The following MAP4K4 variants were observed in gnomAD, a reference collection of about 807,000 sequenced individuals.
MAP4K4 encodes the protein HPK/GCK-like kinase HGK.
MAP4K4 carries 38 observed loss-of-function variants against 189.6 expected under a neutral mutation model. That is an observed-to-expected ratio of 0.20 (90% CI 0.15 to 0.26). MAP4K4 has a LOEUF of 0.26. Ranked by LOEUF, MAP4K4 falls within the 10% of genes least tolerant of loss-of-function variation. MAP4K4 has a pLI of 1.00. For missense variants in MAP4K4, 1,054 were observed against 1,726.9 expected (o/e 0.61, Z 6.91); for synonymous variants, 610 against 624.3 (o/e 0.98, Z 0.34).
chr2:101,712,868 G>A (rs1158785669), intron 2 of MAP4K4, among the ~76,000 whole-genome samples: 2 of 151,432 alleles, frequency 1.3e-5, no homozygotes, highest in Non-Finnish European at 2.9e-5. Flanking sequence ...GAACTTCAAG[G>A]GTTGATTAAT....
intron 2 of MAP4K4, among the ~76,000 whole-genome samples, chr2:101,765,854 T>TA (rs1452129269): frequency 6.6e-6 from 1 of 152,204 alleles, no homozygotes; most frequent in Non-Finnish European, 1.5e-5. Flanking sequence ...CTGAGACAAT[T>TA]ACTCTGTGAG....
At chr2:101,871,538 C>T in exon 24 of MAP4K4, 1 of 1,536,116 alleles carries the variant, frequency 6.5e-7, no homozygotes, top group Non-Finnish European at 8.7e-7. Flanking sequence ...AGAGCAATGG[C>T]TTTGCCGGTC....
intron 6 of MAP4K4, among the ~76,000 whole-genome samples, chr2:101,830,172 A>G (rs2096552338): frequency 6.6e-6 from 1 of 151,664 alleles, no homozygotes; most frequent in Admixed American, 6.6e-5. Context: ...CTTTCATAGT[A>G]TTGTTCACAA....
At chr2:101,711,726 A>C (rs1470984179) in intron 2 of MAP4K4, among the ~76,000 whole-genome samples, 4 of 152,166 alleles carry the variant, frequency 2.6e-5, no homozygotes, top group Non-Finnish European at 5.9e-5. Context: ...AAAGTGTGAA[A>C]TTCTTTTTGC....
chr2:101,863,757 T>G (rs2097737419), intron 16 of MAP4K4, 64 bp from the exon 17 acceptor site: 3 of 1,131,122 alleles, frequency 2.7e-6, no homozygotes, highest in Non-Finnish European at 2.5e-6. Flanking sequence ...GGATTTGGTA[T>G]TGACCAGAAA....
At chr2:101,812,894 G>A (rs938918025) in intron 3 of MAP4K4, among the ~76,000 whole-genome samples, 12 of 152,144 alleles carry the variant, frequency 7.9e-5, no homozygotes, top group Admixed American at 7.9e-4. Context: ...TTGGGAGGCC[G>A]AGGTGGGCGG....
intron 5 of MAP4K4, among the ~76,000 whole-genome samples, chr2:101,827,359 C>G (rs2236936): frequency 0.75 from 114,510 of 152,046 alleles, 43,579 homozygotes; most frequent in African/African-American, 0.88. Flanking sequence ...GGGAGAGTTC[C>G]TGTGTCATGC....
At chr2:101,779,713 T>C (rs1220891784) in intron 2 of MAP4K4, among the ~76,000 whole-genome samples, 1 of 152,126 alleles carries the variant, frequency 6.6e-6, no homozygotes, top group Non-Finnish European at 1.5e-5. Flanking sequence ...TTTGGAAACC[T>C]GAGTTGATGG....
intron 9 of MAP4K4, among the ~76,000 whole-genome samples, chr2:101,838,207 T>A (rs985266845): frequency 2.0e-5 from 3 of 152,236 alleles, no homozygotes; most frequent in Non-Finnish European, 4.4e-5. Flanking sequence ...ATCTTTTAAC[T>A]GATGGCTCCA....
chr2:101,759,036 G>A (rs1490334946), intron 2 of MAP4K4, among the ~76,000 whole-genome samples: 2 of 151,966 alleles, frequency 1.3e-5, no homozygotes, highest in Non-Finnish European at 2.9e-5. Context: ...GGGAGGCTGA[G>A]GCAGGAGAAT....
At chr2:101,804,882 T>C (rs1297406065) in intron 3 of MAP4K4, among the ~76,000 whole-genome samples, 1 of 152,024 alleles carries the variant, frequency 6.6e-6, no homozygotes, top group Non-Finnish European at 1.5e-5. Flanking sequence ...GAGGCCAGCC[T>C]GGCCAATGTG....
chr2:101,708,020 A>G (rs1045854861), intron 2 of MAP4K4, among the ~76,000 whole-genome samples: 2 of 151,840 alleles, frequency 1.3e-5, no homozygotes, highest in Non-Finnish European at 2.9e-5. Flanking sequence ...CTAATTTTTA[A>G]AATTTTTAGT....
At chr2:101,815,426 A>G (rs904095055) in intron 3 of MAP4K4, among the ~76,000 whole-genome samples, 1 of 152,186 alleles carries the variant, frequency 6.6e-6, no homozygotes, top group Non-Finnish European at 1.5e-5. Context: ...AGTTTATACC[A>G]ATAGAGGTGT....
chr2:101,876,660 G>C (rs915831967), intron 26 of MAP4K4, among the ~76,000 whole-genome samples: 1 of 152,278 alleles, frequency 6.6e-6, no homozygotes, highest in East Asian at 1.9e-4. Flanking sequence ...ATTAGACATA[G>C]AATCTGTAAA....
rs1180882371 is a variant in MAP4K4, at chr2:101,699,900, TGGAA to T, written c.123+1365_123+1368del. 1.1e-3 allele frequency among the ~76,000 whole-genome samples: 172 copies of T among 152,356 alleles called. 1 individual carries two copies. The highest frequency in any genetic ancestry group is 3.8e-4 in the Non-Finnish European group (26 of 68,030). Reference sequence around the variant, plus strand: ...TCAGCTTGCCCGGCTCAACTGAATTTGGAAGGCTTTGGAAAATTTTGGAAAAGAT... The same window carrying T: ...TCAGCTTGCCCGGCTCAACTGAATTTGGCTTTGGAAAATTTTGGAAAAGAT... On this transcript the variant is annotated intron_variant, in intron 2 of 32. Coordinates refer to ENST00000324219, the Ensembl canonical transcript of MAP4K4.
exon 15 of MAP4K4, chr2:101,859,662 T>C (rs1485772173): frequency 1.2e-6 from 2 of 1,609,480 alleles, no homozygotes; most frequent in Non-Finnish European, 1.7e-6. Context: ...TGGCGGGAGA[T>C]GGAGGAGCAC....
At chr2:101,797,228 ATTG>A (rs1477456244) in intron 3 of MAP4K4, 2 of 1,289,542 alleles carry the variant, frequency 1.6e-6, no homozygotes, top group South Asian at 2.5e-5. Context: ...TGTGGGACCT[ATTG>A]TTCTATTCTG....
intron 2 of MAP4K4, among the ~76,000 whole-genome samples, chr2:101,760,757 A>G (rs778224875): frequency 3.3e-5 from 5 of 152,078 alleles, no homozygotes; most frequent in African/African-American, 7.2e-5. Context: ...TAATCCCACC[A>G]CTTTGGGAGG....
intron 2 of MAP4K4, among the ~76,000 whole-genome samples, chr2:101,704,565 ATATT>A (rs1236072498): frequency 4.5e-4 from 18 of 40,348 alleles, no homozygotes; most frequent in South Asian, 3.2e-3. Context: ...ATATATATAT[ATATT>A]TTTTTTTTTT....
Sources: allele counts gnomAD v4.1 joint callset (sites outside exome capture counted in the v4.1 genomes callset), GRCh38; gene constraint gnomAD v4.1.1; transcripts MANE v1.5; gene names NCBI Gene and HGNC (gene_info 2026-07-23, HGNC 2026-07-21).